The following PDE11A variants were observed in gnomAD, a reference collection of about 807,000 sequenced individuals.
PDE11A encodes dual 3',5'-cyclic-AMP and -GMP phosphodiesterase 11A.
A neutral mutation model predicts 100.5 loss-of-function variants in PDE11A; 100 were observed. That is an observed-to-expected ratio of 1.00 (90% CI 0.85 to 1.18). The LOEUF is 1.18. PDE11A is among the 50% of genes most tolerant of loss of function. The pLI, the probability that PDE11A is intolerant of heterozygous loss-of-function variation, is 0.00. For synonymous variants in PDE11A, 381 were observed against 420.8 expected (o/e 0.91, Z 1.16); for missense variants, 1,141 against 1,152.6 (o/e 0.99, Z 0.15).
chr2:177,867,324 A>G (rs575578445), intron 5 of PDE11A, among the ~76,000 whole-genome samples: 1 of 152,348 alleles, frequency 6.6e-6, no homozygotes, highest in South Asian at 2.1e-4. Flanking sequence ...AGTGAGTCAC[A>G]TAAAACCTTC....
chr2:177,922,706 A>T, intron 2 of PDE11A: 1 of 985,206 alleles, frequency 1.0e-6, no homozygotes, highest in Non-Finnish European at 1.2e-6. Context: ...AATCCAAGCT[A>T]CCTTTCTGGC....
At chr2:177,741,244 G>A (rs1403558311) in intron 10 of PDE11A, among the ~76,000 whole-genome samples, 3 of 152,170 alleles carry the variant, frequency 2.0e-5, no homozygotes, top group Non-Finnish European at 4.4e-5. Flanking sequence ...GCTTGTGGAT[G>A]GCTGCCTTCT....
At chr2:177,797,616 T>C (rs1167185861) in intron 9 of PDE11A, among the ~76,000 whole-genome samples, 1 of 152,078 alleles carries the variant, frequency 6.6e-6, no homozygotes, top group Non-Finnish European at 1.5e-5. Context: ...TGCATCCAAA[T>C]AACAATTACT....
chr2:178,065,005 A>T (rs936243517), intron 1 of PDE11A, among the ~76,000 whole-genome samples: 3 of 152,210 alleles, frequency 2.0e-5, no homozygotes, highest in African/African-American at 7.2e-5. Flanking sequence ...TATAGAAAGT[A>T]TATTTTTTAA....
At chr2:177,695,542 C>T (rs930073325) in intron 15 of PDE11A, among the ~76,000 whole-genome samples, 1 of 152,154 alleles carries the variant, frequency 6.6e-6, no homozygotes, top group African/African-American at 2.4e-5. Flanking sequence ...CTTCTAAGTG[C>T]TTGGCTATGG....
chr2:177,628,804 T>C lies in PDE11A; in HGVS notation c.*603A>G, dbSNP rs74768574. The C allele has an allele frequency of 0.027, 4,147 of 155,706 alleles. 99 individuals carry two copies. Among genetic ancestry groups the C allele is most frequent in the South Asian group, 0.072 (366 of 5,092 alleles). 9.6% of individuals were successfully genotyped at this position (155,706 alleles called of 1,614,324 possible). A position where few individuals can be genotyped will look rare whatever the true frequency, so the allele number is the denominator to read the frequency against. ...ACATTTGCTATAGTCCTACTATGTA[T>C]TCATTTTTAGGGGGAGAACTGGGAT... On this transcript the variant is annotated 3_prime_UTR_variant, in exon 20 of 20. Coordinates refer to ENST00000286063, the MANE Select transcript of PDE11A (RefSeq NM_016953.4).
intron 2 of PDE11A, among the ~76,000 whole-genome samples, chr2:178,083,017 T>A (rs1354413212): frequency 1.3e-5 from 2 of 152,176 alleles, no homozygotes; most frequent in Non-Finnish European, 2.9e-5. Flanking sequence ...GGCCTTAGAA[T>A]TTTAATTTCT....
At chr2:177,871,601 C>A (rs936772444) in intron 5 of PDE11A, among the ~76,000 whole-genome samples, 29 of 150,354 alleles carry the variant, frequency 1.9e-4, no homozygotes, top group Middle Eastern at 3.5e-3. Context: ...CATGGTGGTT[C>A]ACGCCAGCAC....
At chr2:177,841,590 T>C (rs138707676) in intron 5 of PDE11A, among the ~76,000 whole-genome samples, 1 of 152,334 alleles carries the variant, frequency 6.6e-6, no homozygotes, top group East Asian at 1.9e-4. Context: ...GGAAAGGCCA[T>C]TGGATGCATG....
intron 19 of PDE11A, among the ~76,000 whole-genome samples, chr2:177,658,472 T>C (rs1237659206): frequency 6.6e-6 from 1 of 151,294 alleles, no homozygotes; most frequent in African/African-American, 2.4e-5. Context: ...CCTCTGCCTC[T>C]CCTCCCTTCC....
chr2:177,731,542 C>G (rs77916189), intron 10 of PDE11A, among the ~76,000 whole-genome samples: 2 of 152,108 alleles, frequency 1.3e-5, no homozygotes, highest in East Asian at 1.9e-4. Context: ...TCACCCTGCA[C>G]GCCCACCCTC....
At chr2:177,879,393 G>A (rs1325322536) in intron 4 of PDE11A, among the ~76,000 whole-genome samples, 2 of 152,142 alleles carry the variant, frequency 1.3e-5, no homozygotes, top group African/African-American at 4.8e-5. Context: ...TTAGATTTCT[G>A]CAAGAGTTAA....
intron 3 of PDE11A, chr2:177,899,529 G>A (rs1459200288): frequency 6.4e-6 from 2 of 314,260 alleles, no homozygotes; most frequent in Non-Finnish European, 1.3e-5. Context: ...TCACTATCAG[G>A]AAGAAACAGG....
At chr2:177,689,527 C>A (rs2081011429) in intron 15 of PDE11A, among the ~76,000 whole-genome samples, 1 of 152,130 alleles carries the variant, frequency 6.6e-6, no homozygotes, top group South Asian at 2.1e-4. Context: ...TTGTTACATG[C>A]AGATTCTAGA....
intron 2 of PDE11A, among the ~76,000 whole-genome samples, chr2:177,930,349 G>GCTACC (rs1304045949): frequency 6.6e-6 from 1 of 152,090 alleles, no homozygotes; most frequent in Non-Finnish European, 1.5e-5. Context: ...CTGTACAATG[G>GCTACC]CTACCTTGCA....
chr2:177,729,796 G>A (rs945354290), intron 10 of PDE11A, among the ~76,000 whole-genome samples: 2 of 152,020 alleles, frequency 1.3e-5, no homozygotes, highest in Non-Finnish European at 2.9e-5. Context: ...ATGTGCCTTG[G>A]TGTGAGTTTA....
chr2:177,642,878 C>T (rs902107249), intron 19 of PDE11A, among the ~76,000 whole-genome samples: 3 of 152,154 alleles, frequency 2.0e-5, no homozygotes, highest in Non-Finnish European at 1.5e-5. Flanking sequence ...ATGCTATTCT[C>T]GTGATAGTGA....
chr2:177,712,018 G>GT, intron 12 of PDE11A, 140 bp from the exon 13 acceptor site: 1 of 639,006 alleles, frequency 1.6e-6, no homozygotes, highest in African/African-American at 1.8e-5. Context: ...TCAGACAACA[G>GT]TAAGTTGGGT....
At chr2:177,996,203 G>C (rs1428890528) in intron 2 of PDE11A, among the ~76,000 whole-genome samples, 2 of 150,426 alleles carry the variant, frequency 1.3e-5, no homozygotes, top group Non-Finnish European at 3.0e-5. Flanking sequence ...CTCCAGTGTG[G>C]GCAACAAGAG....
Sources: allele counts gnomAD v4.1 joint callset (sites outside exome capture counted in the v4.1 genomes callset), GRCh38; gene constraint gnomAD v4.1.1; transcripts MANE v1.5; gene names NCBI Gene and HGNC (gene_info 2026-07-23, HGNC 2026-07-21).